Variants in PPP2R3A observed in about 807,000 individuals in gnomAD.
PPP2R3A encodes the protein serine/threonine-protein phosphatase 2A regulatory subunit B'' subunit alpha.
A neutral mutation model predicts 106.9 loss-of-function variants in PPP2R3A; 80 were observed. That is an observed-to-expected ratio of 0.75 (90% confidence interval 0.62 to 0.90). PPP2R3A has a LOEUF of 0.90. PPP2R3A is among the 40% of genes least tolerant of loss of function. PPP2R3A has a pLI of 0.00. For synonymous variants in PPP2R3A, 483 were observed against 468.3 expected (o/e 1.03, Z -0.41); for missense variants, 1,386 against 1,350.4 (o/e 1.03, Z -0.41).
At chr3:136,077,994 A>G (rs1442583112) in intron 6 of PPP2R3A, among the ~76,000 whole-genome samples, 1 of 152,164 alleles carries the variant, frequency 6.6e-6, no homozygotes, top group African/African-American at 2.4e-5. Context: ...CAGTTAATCA[A>G]TCATTAGGCC....
intron 1 of PPP2R3A, among the ~76,000 whole-genome samples, chr3:135,990,752 T>C (rs535635914): frequency 6.6e-6 from 1 of 152,232 alleles, no homozygotes; most frequent in Non-Finnish European, 1.5e-5. Context: ...CCTCACGGAT[T>C]CTCTTCTAGA....
intron 1 of PPP2R3A, among the ~76,000 whole-genome samples, chr3:135,987,340 A>G (rs1932964078): frequency 6.6e-6 from 1 of 152,152 alleles, no homozygotes; most frequent in Admixed American, 6.6e-5. Context: ...CTCCTAGGGC[A>G]ATATGAAGAG....
Position 136,003,256 on chromosome 3 carries a change from G to C in PPP2R3A, c.1758G>C (p.Glu586Asp). ...IETNGHKIEE[E>D]DRALLLRILE... is the part of the protein sequence containing the mutation. Reference sequence around the variant, plus strand: ...CCAATGGACACAAAATAGAGGAAGAGGATCGAGCCCTCTTACTGCGAATCC... The same window carrying C: ...CCAATGGACACAAAATAGAGGAAGACGATCGAGCCCTCTTACTGCGAATCC... The change falls in exon 2 of 14, where the codon GAG (glutamate) becomes GAC (aspartate). Residue 586 changes from glutamate (E) to aspartate (D), a missense_variant. Coordinates refer to ENST00000264977, the MANE Select transcript of PPP2R3A (RefSeq NM_002718.5). The C allele has an allele frequency of 6.2e-7, 1 of 1,613,910 alleles. No homozygotes were observed. Among genetic ancestry groups the C allele is most frequent in the Non-Finnish European group, 8.5e-7 (1 of 1,179,888 alleles).
intron 4 of PPP2R3A, 39 bp downstream of exon 4, chr3:136,041,001 A>G (rs748019989): frequency 2.3e-5 from 36 of 1,548,780 alleles, no homozygotes; most frequent in Non-Finnish European, 3.0e-5. Context: ...TAGGCAAAGA[A>G]TTGTGTGACC....
intron 4 of PPP2R3A, among the ~76,000 whole-genome samples, chr3:136,047,113 A>T (rs562183649): frequency 6.6e-6 from 1 of 152,196 alleles, no homozygotes; most frequent in East Asian, 1.9e-4. Context: ...CCTATAACTC[A>T]TTGGCATTCC....
chr3:136,099,293 A>C (rs1419849450), intron 10 of PPP2R3A, among the ~76,000 whole-genome samples: 1 of 152,224 alleles, frequency 6.6e-6, no homozygotes, highest in African/African-American at 2.4e-5. Context: ...ATATGAGCAG[A>C]GAACAGAGGA....
rs140503530 is a variant in PPP2R3A, at chr3:135,988,412, C to G, written c.-440-12647C>G. ...ACCACCTAGTCCAAGCCAGCATCAT[C>G]TTTTGCCTGGATTATTCTAATAGCC... On this transcript the variant is annotated intron_variant, in intron 1 of 13. Coordinates refer to ENST00000264977, the MANE Select transcript of PPP2R3A (RefSeq NM_002718.5). Among the ~76,000 whole-genome samples, 443 of 152,250 alleles carry G rather than the reference C, an allele frequency of 2.9e-3. 3 individuals are homozygous for G. The highest frequency in any genetic ancestry group is 9.9e-3 in the African/African-American group (412 of 41,568).
At chr3:136,023,295 G>A (rs2107817302) in intron 2 of PPP2R3A, 2 of 1,055,630 alleles carry the variant, frequency 1.9e-6, no homozygotes, top group South Asian at 1.6e-5. Context: ...TAACTCACAA[G>A]TAATTTTACA....
intron 1 of PPP2R3A, among the ~76,000 whole-genome samples, chr3:135,966,514 C>A (rs1168596630): frequency 6.6e-6 from 1 of 152,158 alleles, no homozygotes; most frequent in Non-Finnish European, 1.5e-5. Context: ...CCGCCGCCGC[C>A]GCGGAGGGGC....
At position 136,147,383 on chromosome 3, in the gene PPP2R3A, A is replaced by G. The variant is rs534762743; in HGVS notation, c.*2217A>G. 6.5e-6 allele frequency: 1 copy of G among 152,762 alleles called. No individual in the cohort carries two copies. The highest frequency in any genetic ancestry group is 2.4e-5 in the African/African-American group (1 of 41,580). 9.5% of individuals were successfully genotyped at this position (152,762 alleles called of 1,614,324 possible). On this transcript the variant is annotated 3_prime_UTR_variant, in exon 14 of 14. Coordinates refer to ENST00000264977, the MANE Select transcript of PPP2R3A (RefSeq NM_002718.5). ...CATTCTCTTACAAAGTCTCTATTAT[A>G]AAAGTACATCCATCAATACCATTCC...
At position 136,145,220 on chromosome 3, in the gene PPP2R3A, TGAAGA is replaced by T. The variant is rs1939071278; in HGVS notation, c.*57_*61del. On this transcript the variant is annotated 3_prime_UTR_variant, in exon 14 of 14. Coordinates refer to ENST00000264977, the MANE Select transcript of PPP2R3A (RefSeq NM_002718.5). ...GTGTATTTTAAATGTTTCTTTCTTG[TGAAGA>T]GATGTTCTCGTTTGCATACTGCTTT... The T allele has an allele frequency of 4.5e-6, 7 of 1,559,598 alleles. No homozygotes were observed. The highest frequency in any genetic ancestry group is 1.4e-5 in the African/African-American group (1 of 72,780).
chr3:136,035,394 C>T (rs780241766), intron 3 of PPP2R3A, among the ~76,000 whole-genome samples: 1 of 152,090 alleles, frequency 6.6e-6, no homozygotes, highest in Non-Finnish European at 1.5e-5. Context: ...TTTAGAGCTC[C>T]TTTTATCAGT....
At chr3:136,060,476 C>A (rs1936038360) in intron 5 of PPP2R3A, among the ~76,000 whole-genome samples, 1 of 152,094 alleles carries the variant, frequency 6.6e-6, no homozygotes, top group Admixed American at 6.6e-5. Flanking sequence ...GGTTTAGCAC[C>A]ATCCTCCTAG....
chr3:136,103,350 C>G lies in PPP2R3A; in HGVS notation c.3196C>G (p.Gln1066Glu). Residue 1066 changes from glutamine (Q) to glutamate (E), a missense_variant, in exon 12 of 14, where the codon CAG becomes GAG. By Grantham distance (29) the Gln-to-Glu change is conservative. Transcript: ENST00000264977. ...TCTGGAGAAATACTTAGACCATGAA[C>G]AGAGAGATCCCTTTGCGGTCCAGAA... The part of the protein sequence containing the change: ...FNLEKYLDHE[Q>E]RDPFAVQKDV... 6.2e-7 allele frequency: 1 copy of G among 1,604,728 alleles called. No individual in the cohort carries two copies. Among genetic ancestry groups the G allele is most frequent in the Non-Finnish European group, 8.5e-7 (1 of 1,172,190 alleles).
chr3:136,142,169 TTATTA>T (rs1938900590), intron 13 of PPP2R3A, among the ~76,000 whole-genome samples: 1 of 152,092 alleles, frequency 6.6e-6, no homozygotes, highest in South Asian at 2.1e-4. Context: ...CGAGAAGAGC[TTATTA>T]GTCCAGAACC....
chr3:135,995,925 C>A (rs1933378746), intron 1 of PPP2R3A, among the ~76,000 whole-genome samples: 3 of 152,182 alleles, frequency 2.0e-5, no homozygotes. Flanking sequence ...TTTATACTTT[C>A]TTTCTCTGCC....
At chr3:136,006,170 A>G (rs1162799388) in intron 2 of PPP2R3A, among the ~76,000 whole-genome samples, 1 of 152,238 alleles carries the variant, frequency 6.6e-6, no homozygotes, top group African/African-American at 2.4e-5. Context: ...AATCTTATTA[A>G]AAGATTGTCT....
intron 5 of PPP2R3A, among the ~76,000 whole-genome samples, chr3:136,058,138 C>T (rs1935940016): frequency 6.6e-6 from 1 of 152,120 alleles, no homozygotes; most frequent in South Asian, 2.1e-4. Flanking sequence ...TGACAAGCAT[C>T]ATACTGAATG....
chr3:136,064,693 G>T (rs1407241501), intron 5 of PPP2R3A, among the ~76,000 whole-genome samples: 1 of 152,242 alleles, frequency 6.6e-6, no homozygotes, highest in South Asian at 2.1e-4. Context: ...TAAACAAGAA[G>T]CAGAATAAAA....
Sources: gnomAD v4.1 joint callset for allele counts (sites outside exome capture counted in the v4.1 genomes callset) on GRCh38, gnomAD v4.1.1 for gene constraint, MANE v1.5 for transcripts, NCBI Gene and HGNC (gene_info 2026-07-23, HGNC 2026-07-21) for gene names.